Variants in GPR161 observed in about 807,000 individuals in gnomAD.
The protein encoded by GPR161 is G protein-coupled receptor 161.
In GPR161, 25 loss-of-function variants were observed where a neutral mutation model predicts 39.2. That is an observed-to-expected ratio of 0.64 (90% CI 0.47 to 0.89). The LOEUF (loss-of-function observed/expected upper bound fraction) is 0.89. Ranked by LOEUF, GPR161 falls within the 40% of genes least tolerant of loss-of-function variation. The pLI is 0.00. For missense variants in GPR161, 547 were observed against 677.8 expected, an observed-to-expected ratio of 0.81 and a Z score of 2.14; for synonymous variants, 286 against 276.6, an observed-to-expected ratio of 1.03 and a Z score of -0.34.
chr1:168,131,713 T>C (rs1394765232), intron 1 of GPR161, among the ~76,000 whole-genome samples: 2 of 152,112 alleles, frequency 1.3e-5, no homozygotes, highest in Admixed American at 1.3e-4. Flanking sequence ...AGAAAAGTGA[T>C]AGAGTTTTCA....
intron 1 of GPR161, among the ~76,000 whole-genome samples, chr1:168,125,098 C>T (rs529076616): frequency 5.9e-5 from 9 of 152,284 alleles, no homozygotes; most frequent in East Asian, 1.9e-4. Flanking sequence ...ATACTTTCTC[C>T]GTAATTTCTT....
intron 1 of GPR161, among the ~76,000 whole-genome samples, chr1:168,106,276 A>G (rs1374169651): frequency 2.6e-5 from 4 of 152,188 alleles, no homozygotes; most frequent in Non-Finnish European, 4.4e-5. Flanking sequence ...CCCTTCTACT[A>G]TTCACTCTAA....
At chr1:168,103,495 A>G (rs1450751049) in intron 2 of GPR161, among the ~76,000 whole-genome samples, 1 of 151,548 alleles carries the variant, frequency 6.6e-6, no homozygotes, top group Non-Finnish European at 1.5e-5. Context: ...CTGCCTCCCC[A>G]GTGCAGCCAC....
chr1:168,130,352 C>G (rs539998377), intron 1 of GPR161, among the ~76,000 whole-genome samples: 1 of 152,306 alleles, frequency 6.6e-6, no homozygotes. Context: ...GCTGAAACAG[C>G]TGGGAGAAGG....
chr1:168,088,074 G>C, intron 4 of GPR161: 1 of 175,828 alleles, frequency 5.7e-6, no homozygotes, highest in South Asian at 1.6e-4. Context: ...TATATTCTGA[G>C]TGATTCTTCC....
Position 168,080,449 on chromosome 1 carries a change from C to T in GPR161, c.*5082G>A, listed in dbSNP as rs1295712863. On this transcript the variant is annotated 3_prime_UTR_variant, in exon 6 of 6. Coordinates refer to ENST00000682931, the MANE Select transcript of GPR161 (RefSeq NM_001375883.1). ...CTCCCAACCCACAAGGACAGTATGG[C>T]TCTGCTCCTTCTTATAGGCATATAT... 2 of 152,274 alleles carry T rather than the reference C, an allele frequency of 1.3e-5. No individual in the cohort carries two copies. The highest frequency in any genetic ancestry group is 2.9e-5 in the Non-Finnish European group (2 of 68,076). The allele number at this position is 152,274 out of a possible 1,614,324, so 9.4% of individuals were successfully genotyped here.
chr1:168,088,818 C>G (rs1233319972), intron 4 of GPR161: 1 of 152,266 alleles, frequency 6.6e-6, no homozygotes, highest in African/African-American at 2.4e-5. Context: ...GCCTACAGTG[C>G]TGTCCCCTCA....
Position 168,079,731 on chromosome 1 carries a change from ACTT to A in GPR161, c.*5797_*5799del, listed in dbSNP as rs1693936981. 6.6e-6 allele frequency: 1 copy of A among 152,126 alleles called. No homozygotes were observed. Among genetic ancestry groups the A allele is most frequent in the African/African-American group, 2.4e-5 (1 of 41,412 alleles). 9.4% of individuals were successfully genotyped at this position (152,126 alleles called of 1,614,324 possible). On this transcript the variant is annotated 3_prime_UTR_variant, in exon 6 of 6. Coordinates refer to ENST00000682931, the MANE Select transcript of GPR161 (RefSeq NM_001375883.1). The stretch of plus-strand genomic sequence containing the variant: ...GTTTTTCGAGGGTTGGTTTTTAACC[ACTT>A]CTTCATCCAGCGGTCTATTATGAGA...
chr1:168,109,014 G>GT (rs1696892670), intron 1 of GPR161, among the ~76,000 whole-genome samples: 1 of 152,154 alleles, frequency 6.6e-6, no homozygotes, highest in Non-Finnish European at 1.5e-5. Flanking sequence ...GTGATTGGAC[G>GT]TATCAGTATG....
intron 1 of GPR161, among the ~76,000 whole-genome samples, chr1:168,128,905 A>G (rs1698785506): frequency 6.6e-6 from 1 of 152,034 alleles, no homozygotes; most frequent in African/African-American, 2.4e-5. Context: ...ACACTCCTAT[A>G]TTCTTGTTTT....
intron 1 of GPR161, among the ~76,000 whole-genome samples, chr1:168,131,641 A>G (rs1699000482): frequency 6.6e-6 from 1 of 152,214 alleles, no homozygotes; most frequent in South Asian, 2.1e-4. Context: ...GAGAAAATTT[A>G]GGAAAATTTA....
chr1:168,135,869 T>C (rs1699314527), intron 1 of GPR161: 1 of 242,060 alleles, frequency 4.1e-6, no homozygotes, highest in Non-Finnish European at 6.9e-6. Flanking sequence ...ACCTGCTCTA[T>C]GAAAGCACTT....
At position 168,112,700 on chromosome 1, in the gene GPR161, T is replaced by C. The variant is rs373739331; in HGVS notation, c.-44-7806A>G. Among the ~76,000 whole-genome samples the C allele has an allele frequency of 5.1e-4, 75 of 147,286 alleles. No homozygotes were observed. The South Asian group carries it at 0.016, about 31-fold the overall frequency. ...GGTGAAACTCCATCTCTACGAAAAA[T>C]ACAAAAATTAACCAGGAGTGGTGGC... is the stretch of plus-strand genomic sequence containing the variant. On this transcript the variant is annotated intron_variant, in intron 1 of 5. Transcript: ENST00000682931.
chr1:168,135,164 A>C, intron 1 of GPR161: 1 of 1,196,884 alleles, frequency 8.4e-7, no homozygotes, highest in Non-Finnish European at 1.1e-6. Context: ...GGCAGGGAGA[A>C]GCCCTGAGTT....
chr1:168,108,849 A>G (rs1696879655), intron 1 of GPR161, among the ~76,000 whole-genome samples: 4 of 152,194 alleles, frequency 2.6e-5, no homozygotes, highest in African/African-American at 7.2e-5. Context: ...TGGCATTGCA[A>G]TTTTATACCT....
At chr1:168,126,109 T>C (rs1698568698) in intron 1 of GPR161, among the ~76,000 whole-genome samples, 1 of 152,226 alleles carries the variant, frequency 6.6e-6, no homozygotes, top group Admixed American at 6.5e-5. Context: ...TTGCGGTCAA[T>C]AGAATTCAAA....
intron 2 of GPR161, 93 bp from the exon 3 acceptor site, chr1:168,097,325 G>A (rs1438877794): frequency 2.2e-6 from 3 of 1,357,194 alleles, no homozygotes; most frequent in Non-Finnish European, 3.0e-6. Context: ...GACTGGGTTG[G>A]ATGTTTCTAA....
At chr1:168,093,424 C>T (rs550582908) in intron 3 of GPR161, among the ~76,000 whole-genome samples, 43 of 152,348 alleles carry the variant, frequency 2.8e-4, no homozygotes, top group African/African-American at 1.0e-3. Context: ...ACACTGTCAA[C>T]TGCCCAGGAG....
chr1:168,101,789 C>G (rs1206687128), intron 2 of GPR161, among the ~76,000 whole-genome samples: 1 of 152,110 alleles, frequency 6.6e-6, no homozygotes, highest in Non-Finnish European at 1.5e-5. Flanking sequence ...CTATTCTCCA[C>G]TTCTACTTTC....
Sources: allele counts gnomAD v4.1 joint callset (sites outside exome capture counted in the v4.1 genomes callset), GRCh38; gene constraint gnomAD v4.1.1; transcripts MANE v1.5; gene names NCBI Gene and HGNC (gene_info 2026-07-23, HGNC 2026-07-21).